Variants in CFH observed in about 807,000 individuals in gnomAD.
CFH encodes the protein H factor 1 (complement).
Under a neutral mutation model 147.3 loss-of-function variants are expected in CFH, and 53 were observed. The ratio of observed to expected loss-of-function variants is 0.36; its 90% CI spans 0.29 to 0.45. CFH has a LOEUF of 0.45. CFH is among the 20% of genes least tolerant of loss of function. The pLI, the probability that CFH is intolerant of heterozygous loss-of-function variation, is 1.00. For missense variants in CFH, 1,380 were observed against 1,498.0 expected, an observed-to-expected ratio of 0.92 and a Z score of 1.30; for synonymous variants, 536 against 489.4, an observed-to-expected ratio of 1.10 and a Z score of -1.26.
chr1:196,719,583 C>A (rs766846073), intron 11 of CFH, among the ~76,000 whole-genome samples: 6 of 151,762 alleles, frequency 4.0e-5, no homozygotes, highest in Non-Finnish European at 7.4e-5. Context: ...AATTAATTTT[C>A]TTTTTAGTAT....
intron 7 of CFH, 66 bp downstream of exon 7, chr1:196,685,303 A>G (rs1667789591): frequency 6.7e-7 from 1 of 1,501,020 alleles, no homozygotes; most frequent in African/African-American, 1.4e-5. Context: ...CATAAAAAAT[A>G]GGGACTCAAT....
At chr1:196,723,257 G>C (rs1395354645) in intron 11 of CFH, among the ~76,000 whole-genome samples, 1 of 151,772 alleles carries the variant, frequency 6.6e-6, no homozygotes, top group African/African-American at 2.4e-5. Flanking sequence ...TTCCCTTTGA[G>C]AATATGACTA....
At position 196,710,724 on chromosome 1, in the gene CFH, A is replaced by T. The variant is rs560979500; in HGVS notation, c.1337-3011A>T. Among the ~76,000 whole-genome samples, 3 of 152,144 alleles carry T rather than the reference A, an allele frequency of 2.0e-5. No homozygotes were observed. In the South Asian group the frequency reaches 6.2e-4, roughly 31 times the overall value. On this transcript the variant is annotated intron_variant, in intron 9 of 21. Transcript: ENST00000367429. ...GATATGTAATAGTATTAAATTTTTC[A>T]ATCCATGAATATTATATATCCTTTG...
chr1:196,738,051 A>G (rs1480351913), intron 17 of CFH, among the ~76,000 whole-genome samples: 3 of 152,128 alleles, frequency 2.0e-5, no homozygotes, highest in Admixed American at 6.5e-5. Flanking sequence ...ACGCATGAAG[A>G]CAGGAAGGAG....
At position 196,725,180 on chromosome 1, in the gene CFH, C is replaced by T; in HGVS notation, c.1756C>T (p.Gln586Ter). Reference protein sequence around the residue: ...VHLVPDRKKDQYKVGEVLKFS... With the variant: ...VHLVPDRKKD ...CTTAGTTCCTGATCGCAAGAAAGAC[C>T]AGTATAAAGTTGGAGAGGTGTTGAA... Residue 586 changes from glutamine to a stop codon, truncating the protein, a stop_gained, in exon 12 of 22, where the codon CAG (glutamine) becomes TAG (stop). Transcript: ENST00000367429. LOFTEE classifies it high-confidence loss of function. 6.2e-7 allele frequency: 1 copy of T among 1,613,702 alleles called. No homozygotes were observed.
intron 11 of CFH, among the ~76,000 whole-genome samples, chr1:196,719,119 C>G (rs1180743584): frequency 6.6e-6 from 1 of 151,920 alleles, no homozygotes; most frequent in African/African-American, 2.4e-5. Flanking sequence ...ATATCTAGTA[C>G]TAGGACTTAG....
chr1:196,675,319 G>A (rs561745205), intron 3 of CFH, among the ~76,000 whole-genome samples: 25 of 152,232 alleles, frequency 1.6e-4, no homozygotes, highest in Non-Finnish European at 7.4e-5. Flanking sequence ...TAGATGGCTT[G>A]GATGAGCAGA....
Position 196,747,384 on chromosome 1 carries a change from G to T in CFH, c.*71G>T, listed in dbSNP as rs1653053825. 6.3e-7 allele frequency: 1 copy of T among 1,595,428 alleles called. No individual in the cohort carries two copies. The highest frequency in any genetic ancestry group is 8.6e-7 in the Non-Finnish European group (1 of 1,165,650). ...ATCAGTTCTCAATTTCATTTTTTAT[G>T]TATTGTTTTACTCCTTTTTATTCAT... On this transcript the variant is annotated 3_prime_UTR_variant, in exon 22 of 22. Coordinates refer to ENST00000367429, the MANE Select transcript of CFH (RefSeq NM_000186.4).
At chr1:196,659,884 C>T (rs1232469128) in intron 1 of CFH, among the ~76,000 whole-genome samples, 2 of 152,086 alleles carry the variant, frequency 1.3e-5, no homozygotes, top group African/African-American at 4.8e-5. Flanking sequence ...AGTGAGAAGA[C>T]CTAGACATTA....
intron 9 of CFH, among the ~76,000 whole-genome samples, chr1:196,697,705 C>T (rs1200913740): frequency 1.3e-5 from 2 of 152,026 alleles, no homozygotes; most frequent in Non-Finnish European, 2.9e-5. Context: ...CACATGTACA[C>T]GTATGTTTAT....
chr1:196,682,598 A>T (rs1441945918), intron 6 of CFH, among the ~76,000 whole-genome samples: 1 of 151,576 alleles, frequency 6.6e-6, no homozygotes, highest in Non-Finnish European at 1.5e-5. Context: ...ATCATAAGGA[A>T]AAATAATTGA....
At chr1:196,714,597 A>ATGTG (rs3043112) in intron 10 of CFH, among the ~76,000 whole-genome samples, 3,672 of 103,648 alleles carry the variant, frequency 0.035, 139 homozygotes, top group Middle Eastern at 0.068. Flanking sequence ...ACTCAGTAAT[A>ATGTG]TGTGTGTGTG....
intron 1 of CFH, among the ~76,000 whole-genome samples, chr1:196,665,618 T>G (rs1203546517): frequency 6.6e-6 from 1 of 152,082 alleles, no homozygotes; most frequent in Admixed American, 6.6e-5. Context: ...TATTATTATA[T>G]TTTTTTGAGA....
chr1:196,745,686 A>G (rs1652980765), intron 20 of CFH, 131 bp from the exon 21 acceptor site: 1 of 1,255,054 alleles, frequency 8.0e-7, no homozygotes, highest in Non-Finnish European at 1.2e-6. Context: ...TTCTTCCAGG[A>G]CTCATTTCTT....
intron 9 of CFH, among the ~76,000 whole-genome samples, chr1:196,708,273 T>C (rs1180618738): frequency 6.6e-6 from 1 of 152,214 alleles, no homozygotes; most frequent in African/African-American, 2.4e-5. Context: ...CTGTTAGTCA[T>C]ACTTGTCACT....
At position 196,726,756 on chromosome 1, in the gene CFH, C is replaced by T. The variant is rs753675752; in HGVS notation, c.2057-5C>T. Reference sequence around the variant, plus strand: ...CAATAAACTTTTTTTGTAAAATTTACATAGTGGAGGAGAGTACCTGTGGAG... The same window carrying T: ...CAATAAACTTTTTTTGTAAAATTTATATAGTGGAGGAGAGTACCTGTGGAG... On this transcript the variant is annotated splice_polypyrimidine_tract_variant and splice_region_variant and intron_variant, in intron 13 of 21. Transcript: ENST00000367429. 42 of 1,613,580 alleles carry T rather than the reference C, an allele frequency of 2.6e-5. No homozygotes were observed. The highest frequency in any genetic ancestry group is 3.6e-5 in the Non-Finnish European group (42 of 1,179,630).
At chr1:196,679,375 C>A in intron 5 of CFH, 1 of 333,008 alleles carries the variant, frequency 3.0e-6, no homozygotes, top group South Asian at 3.6e-5. Context: ...ATGAATGTTA[C>A]TGGTCACTAT....
intron 9 of CFH, among the ~76,000 whole-genome samples, chr1:196,691,130 C>CG (rs1443786307): frequency 1.3e-5 from 2 of 151,800 alleles, no homozygotes; most frequent in East Asian, 1.9e-4. Context: ...TCTGCCTAAA[C>CG]AATTTTTTCT....
At chr1:196,733,126 A>G (rs1669318028) in intron 15 of CFH, among the ~76,000 whole-genome samples, 1 of 152,022 alleles carries the variant, frequency 6.6e-6, no homozygotes. Context: ...GGAAGAATGG[A>G]TAAATCTGAA....
Sources: allele counts gnomAD v4.1 joint callset (sites outside exome capture counted in the v4.1 genomes callset), GRCh38; gene constraint gnomAD v4.1.1; transcripts MANE v1.5; gene names NCBI Gene and HGNC (gene_info 2026-07-23, HGNC 2026-07-21).